SLC25A41: variants seen among roughly 807,000 people sequenced by gnomAD.
SLC25A41 encodes mitochondrial carrier protein SCaMC-3L.
Under a neutral mutation model 34.7 loss-of-function variants are expected in SLC25A41, and 35 were observed. The ratio of observed to expected loss-of-function variants is 1.01; its 90% CI spans 0.77 to 1.34. The LOEUF is 1.34. SLC25A41 is among the 40% of genes most tolerant of loss of function. SLC25A41 has a pLI of 0.00. For synonymous variants in SLC25A41, 190 were observed against 209.9 expected (o/e 0.91, Z 0.82); for missense variants, 492 against 489.8 (o/e 1.00, Z -0.04).
chr19:6,435,234 AAAAG>A (rs1386828670), upstream of SLC25A41, among the ~76,000 whole-genome samples: 1 of 148,670 alleles, frequency 6.7e-6, no homozygotes, highest in East Asian at 1.9e-4. Flanking sequence ...AAAAAAAAAA[AAAAG>A]AAAAAAAAAA....
At chr19:6,433,436 C>T (rs1305030644) in intron 1 of SLC25A41, 51 bp downstream of exon 1, 3 of 1,575,180 alleles carry the variant, frequency 1.9e-6, no homozygotes, top group Admixed American at 3.3e-5. Flanking sequence ...CCTGGCCTCT[C>T]CCTGTAGTCC....
Position 6,427,545 on chromosome 19 carries a change from G to A in SLC25A41, c.625-44C>T. ...AAGGCAGCTCATTTGATTGAATCCTGTCAATGACCCTCGGGGTAGCCATTG... is the reference window on the plus strand; with the variant it reads ...AAGGCAGCTCATTTGATTGAATCCTATCAATGACCCTCGGGGTAGCCATTG... On this transcript the variant is annotated intron_variant, in intron 4 of 6. Coordinates refer to ENST00000321510, the MANE Select transcript of SLC25A41 (RefSeq NM_173637.4). The surrounding 1 kb of genome is among the most constrained non-coding windows in gnomAD (Gnocchi z 4.9). The A allele has an allele frequency of 6.9e-7, 1 of 1,455,154 alleles. No individual in the cohort carries two copies. Among genetic ancestry groups the A allele is most frequent in the East Asian group, 2.5e-5 (1 of 39,304 alleles). 90.1% of individuals were successfully genotyped at this position (1,455,154 alleles called of 1,614,324 possible).
At chr19:6,432,874 G>A (rs1369702984) in intron 1 of SLC25A41, among the ~76,000 whole-genome samples, 2 of 151,908 alleles carry the variant, frequency 1.3e-5, no homozygotes, top group Non-Finnish European at 2.9e-5. Context: ...CACCATGTTG[G>A]CCAGGCTGGT....
At position 6,426,170 on chromosome 19, in the gene SLC25A41, C is replaced by T. The variant is rs947711037; in HGVS notation, c.*219G>A. ...CAGGCTGCACCCTGGGGAGGGAGTC[C>T]CAGGAGTTTTCTGACCCAGCACTGC... On this transcript the variant is annotated 3_prime_UTR_variant, in exon 7 of 7. Coordinates refer to ENST00000321510, the MANE Select transcript of SLC25A41 (RefSeq NM_173637.4). 4 of 534,208 alleles carry T rather than the reference C, an allele frequency of 7.5e-6. No individual in the cohort carries two copies. The highest frequency in any genetic ancestry group is 5.7e-5 in the African/African-American group (3 of 53,096). The allele number at this position is 534,208 out of a possible 1,614,324, so 33.1% of individuals were successfully genotyped here. A position where few individuals can be genotyped will look rare whatever the true frequency, so the allele number is the denominator to read the frequency against.
Position 6,432,335 on chromosome 19 carries a change from C to T in SLC25A41, c.208-131G>A, listed in dbSNP as rs911869860. On this transcript the variant is annotated intron_variant, in intron 1 of 6. Coordinates refer to ENST00000321510, the MANE Select transcript of SLC25A41 (RefSeq NM_173637.4). ...AAGTCTGCATTTTTTTTTTTCGAGA[C>T]GGAGTCTTGCTCTGCTGCCCAGGTT... 5.7e-5 allele frequency: 56 copies of T among 982,398 alleles called. No homozygotes were observed. In the East Asian group the frequency reaches 6.7e-4, roughly 12 times the overall value. The allele number at this position is 982,398 out of a possible 1,614,324, so 60.9% of individuals were successfully genotyped here.
At chr19:6,429,070 A>AT (rs2092260787) in intron 4 of SLC25A41, among the ~76,000 whole-genome samples, 1 of 65,278 alleles carries the variant, frequency 1.5e-5, no homozygotes, top group African/African-American at 8.0e-5. Flanking sequence ...TTATATATAT[A>AT]TATAATATAT....
chr19:6,435,401 C>T (rs567445934), upstream of SLC25A41, among the ~76,000 whole-genome samples: 145 of 149,960 alleles, frequency 9.7e-4, 2 homozygotes, highest in Non-Finnish European at 3.5e-4. Flanking sequence ...AACACAGGTG[C>T]GGACACCACG....
At chr19:6,428,909 G>T (rs1250931643) in intron 4 of SLC25A41, among the ~76,000 whole-genome samples, 4 of 139,542 alleles carry the variant, frequency 2.9e-5, no homozygotes, top group African/African-American at 1.1e-4. Flanking sequence ...ATGGGGTCTT[G>T]CTATATTGCC....
chr19:6,434,948 C>T (rs1277492246), upstream of SLC25A41, among the ~76,000 whole-genome samples: 2 of 151,676 alleles, frequency 1.3e-5, no homozygotes, highest in East Asian at 1.9e-4. Context: ...CTAGGCTGGG[C>T]GCCGTGGCTC....
chr19:6,433,316 T>A (rs1308954494), intron 1 of SLC25A41, among the ~76,000 whole-genome samples, 171 bp downstream of exon 1: 2 of 152,168 alleles, frequency 1.3e-5, no homozygotes, highest in Non-Finnish European at 2.9e-5. Context: ...CCCAAAGTGC[T>A]GGGATTACAT....
upstream of SLC25A41, among the ~76,000 whole-genome samples, chr19:6,435,135 G>A (rs2092303065): frequency 6.6e-6 from 1 of 150,882 alleles, no homozygotes; most frequent in Non-Finnish European, 1.5e-5. Context: ...GAGGTGGGAG[G>A]GTTGCTTGAG....
intron 2 of SLC25A41, chr19:6,430,426 A>T: frequency 2.0e-6 from 1 of 504,116 alleles, no homozygotes; most frequent in Non-Finnish European, 3.5e-6. Context: ...TCTTCCTTCC[A>T]TCCTTTCCTT....
intron 4 of SLC25A41, 116 bp downstream of exon 4, chr19:6,429,608 G>T: frequency 1.5e-6 from 1 of 659,854 alleles, no homozygotes; most frequent in South Asian, 2.1e-5. Flanking sequence ...GGAGAAGTGT[G>T]AGAAAAAAGG....
chr19:6,432,024 C>T (rs199798996), intron 2 of SLC25A41, 25 bp downstream of exon 2: 23 of 1,597,628 alleles, frequency 1.4e-5, no homozygotes, highest in Middle Eastern at 1.7e-4. Flanking sequence ...CGCTGGGTCC[C>T]GTCCTCCCCC....
rs1318080467 is a variant in SLC25A41 at position 6,429,036 on chromosome 19, T to TC, written c.624+687_624+688insG. Among the ~76,000 whole-genome samples the TC allele has an allele frequency of 6.3e-4, 25 of 39,770 alleles. 4 individuals carry two copies. The highest frequency in any genetic ancestry group is 8.4e-4 in the Non-Finnish European group (23 of 27,232). The allele number at this position is 39,770 out of a possible 152,430, so 26.1% of individuals were successfully genotyped here. ...TGGCCTGAAAATTTATATATATATATATAATATATATATTATATATATGTT... is the reference window on the plus strand; with the variant it reads ...TGGCCTGAAAATTTATATATATATATCATAATATATATATTATATATATGTT... On this transcript the variant is annotated intron_variant, in intron 4 of 6. Transcript: ENST00000321510.
intron 4 of SLC25A41, among the ~76,000 whole-genome samples, chr19:6,428,383 G>A (rs1436528701): frequency 2.0e-5 from 3 of 148,546 alleles, no homozygotes; most frequent in Non-Finnish European, 4.5e-5. Context: ...TCCAGCCTGG[G>A]TGACAGAGTG....
chr19:6,433,953 G>A (rs1045356449), upstream of SLC25A41, among the ~76,000 whole-genome samples: 8 of 151,516 alleles, frequency 5.3e-5, no homozygotes, highest in Non-Finnish European at 7.4e-5. Context: ...TATTATTATC[G>A]TTTTTTTTGA....
chr19:6,427,056 TG>T lies in SLC25A41; in HGVS notation c.940+46del. ...TATGAGAAAATTGAGACAGCCAGGG[TG>T]GGGCGGGGAAGGGGCATGCGTGGTG... On this transcript the variant is annotated intron_variant, in intron 6 of 6. Transcript: ENST00000321510. This position sits in a 1 kb window ranked among gnomAD's most constrained non-coding sequence, Gnocchi z 4.9. The T allele has an allele frequency of 1.9e-6, 3 of 1,543,316 alleles. No individual in the cohort carries two copies. The highest frequency in any genetic ancestry group is 1.9e-5 in the Admixed American group (1 of 51,424).
In SLC25A41 at chr19:6,427,584, A is replaced by G. The variant is rs565834536; in HGVS notation, c.625-83T>C. ...GGGTAGCCATTGTCCCCACCCTACA[A>G]ACAAGGAAAATGAGGCTCAGGAAGG... On this transcript the variant is annotated intron_variant, in intron 4 of 6. Transcript: ENST00000321510. The surrounding 1 kb of genome is among the most constrained non-coding windows in gnomAD (Gnocchi z 4.9). The G allele has an allele frequency of 7.3e-7, 1 of 1,377,848 alleles. No individual in the cohort carries two copies. The highest frequency in any genetic ancestry group is 2.7e-5 in the East Asian group (1 of 36,560). 85.4% of individuals were successfully genotyped at this position (1,377,848 alleles called of 1,614,324 possible).
Sources: allele counts gnomAD v4.1 joint callset (sites outside exome capture counted in the v4.1 genomes callset), GRCh38; gene constraint gnomAD v4.1.1; non-coding constraint Gnocchi (gnomAD v3.1); transcripts MANE v1.5; gene names NCBI Gene and HGNC (gene_info 2026-07-23, HGNC 2026-07-21).